GALNT6: variants seen among roughly 807,000 people sequenced by gnomAD.
The protein encoded by GALNT6 is polypeptide N-acetylgalactosaminyltransferase 6.
A neutral mutation model predicts 65.9 loss-of-function variants in GALNT6; 51 were observed. The observed-to-expected ratio is 0.77, with a 90% CI of 0.62 to 0.98. The LOEUF is 0.98. GALNT6 is among the 50% of genes least tolerant of loss of function. The pLI is 0.00. For missense variants in GALNT6, 708 were observed against 803.3 expected (o/e 0.88, Z 1.43); for synonymous variants, 323 against 315.1 (o/e 1.02, Z -0.26).
chr12:51,378,927 A>T (rs1218518636), intron 3 of GALNT6, among the ~76,000 whole-genome samples: 1 of 144,536 alleles, frequency 6.9e-6, no homozygotes, highest in Non-Finnish European at 1.5e-5. Context: ...CAGTCTCTGG[A>T]GCAGGCCTCA....
rs542944195 is a variant in GALNT6 at position 51,379,506 on chromosome 12, C to T, written c.276G>A (p.Gly92=). 1 of 1,614,150 alleles carries T rather than the reference C, an allele frequency of 6.2e-7. No individual in the cohort carries two copies. Among genetic ancestry groups the T allele is most frequent in the South Asian group, 1.1e-5 (1 of 91,088 alleles). ...GCTTCAGTTCAGCTGGGGTATAGAA[C>T]CCAGGGAGGCAGGACTGGTTTATGG... ...LFSINQSCLP[G]FYTPAELKPF... is the part of the protein sequence containing the mutation. The change falls in exon 3 of 12, where the codon GGG becomes GGA. Residue 92 remains glycine (G), a synonymous_variant. Transcript: ENST00000356317.
intron 9 of GALNT6, among the ~76,000 whole-genome samples, chr12:51,357,909 C>T (rs1946800457): frequency 1.3e-5 from 2 of 152,228 alleles, no homozygotes; most frequent in Admixed American, 6.5e-5. Flanking sequence ...CTGATGCATG[C>T]TAATGTTTCA....
At chr12:51,357,092 C>G (rs1946769659) in intron 10 of GALNT6, among the ~76,000 whole-genome samples, 1 of 152,184 alleles carries the variant, frequency 6.6e-6, no homozygotes, top group Non-Finnish European at 1.5e-5. Context: ...TATCCCCCAG[C>G]AGCTAGCCTC....
chr12:51,381,036 C>T (rs1217724203), intron 2 of GALNT6, among the ~76,000 whole-genome samples: 2 of 152,012 alleles, frequency 1.3e-5, no homozygotes, highest in Admixed American at 6.6e-5. Flanking sequence ...CCCAGGAGTT[C>T]AAGACCAGTC....
intron 2 of GALNT6, among the ~76,000 whole-genome samples, chr12:51,386,629 G>C (rs997776368): frequency 4.6e-5 from 7 of 152,170 alleles, no homozygotes; most frequent in African/African-American, 1.7e-4. Context: ...TTACTCAGAG[G>C]AGGGCTCAAT....
rs141055039 is a variant in GALNT6 at position 51,379,295 on chromosome 12, G to T, written c.487C>A (p.Pro163Thr). ...QRSLGPDTRP[P>T]ECVDQKFRRC... ...AGGACTCTGGGTGCTACTTACTCAG[G>T]TGGTCGGGTGTCTGGCCCCAGGGAC... Residue 163 changes from proline (P) to threonine (T), a missense_variant, in exon 3 of 12, where the codon CCT becomes ACT. Physicochemically the swap from Pro to Thr is conservative, Grantham distance 38. Coordinates refer to ENST00000356317, the MANE Select transcript of GALNT6 (RefSeq NM_007210.4). 2 of 1,521,692 alleles carry T rather than the reference G, an allele frequency of 1.3e-6. No individual in the cohort carries two copies. Among genetic ancestry groups the T allele is most frequent in the Non-Finnish European group, 8.8e-7 (1 of 1,137,974 alleles). 94.3% of individuals were successfully genotyped at this position (1,521,692 alleles called of 1,614,324 possible).
At chr12:51,365,011 C>T (rs1400496110) in intron 5 of GALNT6, among the ~76,000 whole-genome samples, 1 of 152,152 alleles carries the variant, frequency 6.6e-6, no homozygotes, top group Admixed American at 6.5e-5. Context: ...TCCTCCACAA[C>T]AGTGGGGAAG....
chr12:51,381,162 C>T (rs1178647733), intron 2 of GALNT6, among the ~76,000 whole-genome samples: 1 of 152,166 alleles, frequency 6.6e-6, no homozygotes, highest in African/African-American at 2.4e-5. Flanking sequence ...ACTGCTGGAG[C>T]CCAGGAGGTT....
At chr12:51,368,561 C>T (rs560358501) in intron 4 of GALNT6, among the ~76,000 whole-genome samples, 56 of 152,094 alleles carry the variant, frequency 3.7e-4, no homozygotes, top group Non-Finnish European at 1.5e-4. Context: ...CCTGCCACCA[C>T]GCCCCGCTAA....
rs1379877028 is a variant in GALNT6 at position 51,355,910 on chromosome 12, G to A, written c.1651C>T (p.Gln551Ter). Residue 551 changes from glutamine (Q) to a stop codon, truncating the protein, a stop_gained, in exon 11 of 12, where the codon CAG (glutamine) becomes TAG (stop). Transcript: ENST00000356317. LOFTEE classifies it high-confidence loss of function. The part of the protein sequence containing the change: ...QRDLRHNIAK[Q>*]LCLHVSKGAL... ...CCCTTGCTGACATGTAGACACAGCTGCTTTGCGATGTTGTGGCGAAGGTCC... is the reference window on the plus strand; with the variant it reads ...CCCTTGCTGACATGTAGACACAGCTACTTTGCGATGTTGTGGCGAAGGTCC... 6.2e-7 allele frequency: 1 copy of A among 1,613,616 alleles called. No individual in the cohort carries two copies. The highest frequency in any genetic ancestry group is 1.3e-5 in the African/African-American group (1 of 74,906).
chr12:51,380,463 A>T (rs1947626705), intron 2 of GALNT6, among the ~76,000 whole-genome samples: 1 of 152,224 alleles, frequency 6.6e-6, no homozygotes. Context: ...TTGGGTGAAA[A>T]AAGCAAGTGA....
Position 51,387,954 on chromosome 12 carries a change from G to C in GALNT6, c.-104+2896C>G, listed in dbSNP as rs1330748455. On this transcript the variant is annotated intron_variant, in intron 2 of 11. Coordinates refer to ENST00000356317, the MANE Select transcript of GALNT6 (RefSeq NM_007210.4). This position sits in a 1 kb window ranked among gnomAD's most constrained non-coding sequence, Gnocchi z 4.2. Reference sequence around the variant, plus strand: ...GCTCTTGGCTGCAGAACTTTCACCCGGGGCCACTGGCTACTCAATGTACCA... The same window carrying C: ...GCTCTTGGCTGCAGAACTTTCACCCCGGGCCACTGGCTACTCAATGTACCA... Among the ~76,000 whole-genome samples, 1 of 152,066 alleles carries C rather than the reference G, an allele frequency of 6.6e-6. No homozygotes were observed. Among genetic ancestry groups the C allele is most frequent in the African/African-American group, 2.4e-5 (1 of 41,390 alleles).
chr12:51,360,602 C>T, intron 7 of GALNT6, 119 bp downstream of exon 7: 3 of 693,358 alleles, frequency 4.3e-6, no homozygotes, highest in Non-Finnish European at 7.9e-6. Flanking sequence ...TGGGAAATAG[C>T]CACCCTTTCT....
chr12:51,363,101 C>T lies in GALNT6; in HGVS notation c.1049+1020G>A, dbSNP rs188343183. 8.8e-4 allele frequency among the ~76,000 whole-genome samples: 134 copies of T among 152,138 alleles called. 1 individual carries two copies. The highest frequency in any genetic ancestry group is 3.0e-3 in the African/African-American group (125 of 41,552). ...CCTCTTATCTCTGGCTACTGTATCT[C>T]CAACCTCTGCATCCCTCCGTCCTGG... On this transcript the variant is annotated intron_variant, in intron 6 of 11. Transcript: ENST00000356317.
At chr12:51,360,614 G>T in intron 7 of GALNT6, 107 bp downstream of exon 7, 2 of 723,736 alleles carry the variant, frequency 2.8e-6, no homozygotes, top group Non-Finnish European at 2.5e-6. Flanking sequence ...ACCCTTTCTA[G>T]TTCAGTTCCA....
In GALNT6 at chr12:51,381,310, A is replaced by G. The variant is rs1426112800; in HGVS notation, c.-103-1426T>C. On this transcript the variant is annotated intron_variant, in intron 2 of 11. Transcript: ENST00000356317. Reference sequence around the variant, plus strand: ...AAAAAGAATTTAACAGAAACCTAAGATTTCATGACAAGACATTCCCGGCAG... The same window carrying G: ...AAAAAGAATTTAACAGAAACCTAAGGTTTCATGACAAGACATTCCCGGCAG... Among the ~76,000 whole-genome samples, 5 of 152,328 alleles carry G rather than the reference A, an allele frequency of 3.3e-5. No homozygotes were observed. In the East Asian group the frequency reaches 5.8e-4, roughly 18 times the overall value.
intron 2 of GALNT6, among the ~76,000 whole-genome samples, chr12:51,386,819 A>G (rs1947857263): frequency 1.3e-5 from 2 of 152,114 alleles, no homozygotes; most frequent in African/African-American, 4.8e-5. Context: ...CTTTCTCTCC[A>G]TCAAACACAG....
intron 4 of GALNT6, among the ~76,000 whole-genome samples, chr12:51,366,540 C>G (rs1265638714): frequency 2.0e-5 from 3 of 152,166 alleles, no homozygotes; most frequent in African/African-American, 7.2e-5. Context: ...CAAGCACCTA[C>G]CACGGACCAG....
intron 5 of GALNT6, 65 bp downstream of exon 5, chr12:51,365,365 C>T (rs559303322): frequency 4.8e-5 from 71 of 1,476,748 alleles, no homozygotes; most frequent in South Asian, 4.3e-4. Flanking sequence ...GAGGCTGTGG[C>T]CCTGGCTCAT....
Sources: allele counts gnomAD v4.1 joint callset (sites outside exome capture counted in the v4.1 genomes callset), GRCh38; gene constraint gnomAD v4.1.1; non-coding constraint Gnocchi (gnomAD v3.1); transcripts MANE v1.5; gene names NCBI Gene and HGNC (gene_info 2026-07-23, HGNC 2026-07-21).